Variants in GPC5 observed in about 807,000 individuals in gnomAD.
GPC5 encodes glypican-5.
GPC5 carries 47 observed loss-of-function variants against 53.9 expected under a neutral mutation model. That is an observed-to-expected ratio of 0.87 (90% CI 0.69 to 1.11). The LOEUF (loss-of-function observed/expected upper bound fraction) is 1.11, where lower values mean the gene tolerates loss of function less well. Ranked by LOEUF, GPC5 falls within the 50% of genes most tolerant of loss-of-function variation. The pLI, the probability that GPC5 is intolerant of heterozygous loss-of-function variation, is 0.00. For synonymous variants in GPC5, 286 were observed against 263.3 expected (o/e 1.09, Z -0.84); for missense variants, 748 against 713.1 (o/e 1.05, Z -0.56).
At chr13:91,500,311 T>C (rs1225192825) in intron 2 of GPC5, among the ~76,000 whole-genome samples, 2 of 152,232 alleles carry the variant, frequency 1.3e-5, no homozygotes, top group East Asian at 1.9e-4. Flanking sequence ...AATGAATGTA[T>C]AGAAATAGAG....
At chr13:91,957,505 C>G (rs925760107) in intron 6 of GPC5, among the ~76,000 whole-genome samples, 3 of 152,094 alleles carry the variant, frequency 2.0e-5, no homozygotes, top group African/African-American at 7.2e-5. Context: ...TCAAAAAGGT[C>G]TTCTCTATGG....
chr13:91,552,376 G>A (rs971271610), intron 2 of GPC5, among the ~76,000 whole-genome samples: 6 of 152,076 alleles, frequency 3.9e-5, no homozygotes, highest in African/African-American at 9.6e-5. Context: ...AGACCAGCTC[G>A]ATCTGGGAGA....
chr13:92,694,525 G>T, intron 7 of GPC5, among the ~76,000 whole-genome samples: 1 of 152,186 alleles, frequency 6.6e-6, no homozygotes, highest in East Asian at 1.9e-4. Flanking sequence ...AAGATTTAAT[G>T]ACTGCCTCTC....
At chr13:91,650,326 A>G (rs749600364) in intron 2 of GPC5, among the ~76,000 whole-genome samples, 7 of 152,130 alleles carry the variant, frequency 4.6e-5, no homozygotes, top group Non-Finnish European at 1.0e-4. Flanking sequence ...ATTCATCTTT[A>G]TAGTTTTGTC....
intron 1 of GPC5, among the ~76,000 whole-genome samples, chr13:91,432,808 A>T (rs938623987): frequency 3.3e-5 from 5 of 152,234 alleles, no homozygotes; most frequent in African/African-American, 1.2e-4. Context: ...TACAATAGCC[A>T]TAAATGCTAT....
At chr13:92,484,939 T>C (rs1373508104) in intron 7 of GPC5, among the ~76,000 whole-genome samples, 1 of 152,086 alleles carries the variant, frequency 6.6e-6, no homozygotes, top group Non-Finnish European at 1.5e-5. Flanking sequence ...ATTTCACCGG[T>C]TGACCAAGTT....
chr13:91,970,431 C>G lies in GPC5; in HGVS notation c.1401+62374C>G, dbSNP rs572009862. Among the ~76,000 whole-genome samples the G allele has an allele frequency of 2.4e-4, 35 of 143,794 alleles. No individual in the cohort carries two copies. In the South Asian group the frequency reaches 5.5e-3, roughly 23 times the overall value. 94.3% of individuals were successfully genotyped at this position (143,794 alleles called of 152,430 possible). Reference sequence around the variant, plus strand: ...CTTTAAATTTGCTAGGAGTAGATTGCCCCCCCCTCACACATACACACATAC... The same window carrying G: ...CTTTAAATTTGCTAGGAGTAGATTGGCCCCCCCTCACACATACACACATAC... On this transcript the variant is annotated intron_variant, in intron 6 of 7. Coordinates refer to ENST00000377067, the MANE Select transcript of GPC5 (RefSeq NM_004466.6).
intron 7 of GPC5, among the ~76,000 whole-genome samples, chr13:92,728,094 A>C (rs1888693701): frequency 6.6e-6 from 1 of 151,524 alleles, no homozygotes; most frequent in African/African-American, 2.4e-5. Flanking sequence ...GTACCATAGA[A>C]TGACAAAAAA....
At chr13:92,778,775 T>C (rs533692191) in intron 7 of GPC5, among the ~76,000 whole-genome samples, 3 of 152,322 alleles carry the variant, frequency 2.0e-5, no homozygotes, top group Admixed American at 6.5e-5. Context: ...AAAGTGTAGA[T>C]AGTTCTTCTA....
chr13:91,708,806 T>C (rs1379791348), intron 3 of GPC5, among the ~76,000 whole-genome samples: 1 of 152,208 alleles, frequency 6.6e-6, no homozygotes, highest in African/African-American at 2.4e-5. Context: ...GTTCTTTCTG[T>C]TGGCATACTC....
chr13:92,385,469 TACATATATACATATATAC>T lies in GPC5; in HGVS notation c.1561+240494_1561+240511del, dbSNP rs1566567636. Among the ~76,000 whole-genome samples, 11 of 112,582 alleles carry T rather than the reference TACATATATACATATATAC, an allele frequency of 9.8e-5. 1 individual carries two copies. The South Asian group carries it at 1.9e-3, about 19-fold the overall frequency. The allele number at this position is 112,582 out of a possible 152,430, so 73.9% of individuals were successfully genotyped here. ...ACATATATACATATATACACATATA[TACATATATACATATATAC>T]ACATATATACATACATATACATATA... On this transcript the variant is annotated intron_variant, in intron 7 of 7. Coordinates refer to ENST00000377067, the MANE Select transcript of GPC5 (RefSeq NM_004466.6).
At chr13:92,555,511 A>G (rs1412846394) in intron 7 of GPC5, among the ~76,000 whole-genome samples, 2 of 151,254 alleles carry the variant, frequency 1.3e-5, no homozygotes, top group African/African-American at 4.8e-5. Flanking sequence ...TACTTAATTA[A>G]AAACAGAACA....
intron 7 of GPC5, among the ~76,000 whole-genome samples, chr13:92,178,319 T>TCC (rs1318764549): frequency 6.6e-6 from 1 of 152,070 alleles, no homozygotes; most frequent in Non-Finnish European, 1.5e-5. Context: ...AAAGAGCCAT[T>TCC]CATACCATTC....
chr13:92,070,311 G>A (rs2041200663), intron 6 of GPC5, among the ~76,000 whole-genome samples: 2 of 152,136 alleles, frequency 1.3e-5, no homozygotes. Context: ...GAGTGATGGA[G>A]TCATTGCATT....
chr13:91,564,831 T>C (rs2031451995), intron 2 of GPC5, among the ~76,000 whole-genome samples: 1 of 152,178 alleles, frequency 6.6e-6, no homozygotes. Flanking sequence ...CTTTTCAATA[T>C]GTCGCCTTCA....
At chr13:92,356,753 T>C (rs562672680) in intron 7 of GPC5, among the ~76,000 whole-genome samples, 19 of 152,326 alleles carry the variant, frequency 1.2e-4, no homozygotes, top group Non-Finnish European at 2.6e-4. Context: ...GCTTGTTACG[T>C]AGGTAAACTT....
At chr13:91,787,189 A>C (rs2037893507) in intron 5 of GPC5, among the ~76,000 whole-genome samples, 1 of 152,140 alleles carries the variant, frequency 6.6e-6, no homozygotes, top group Non-Finnish European at 1.5e-5. Context: ...GGCATTTATT[A>C]ATTATTCTTG....
rs1008054161 is a variant in GPC5 at position 92,816,612 on chromosome 13, C to T, written c.1562-49670C>T. On this transcript the variant is annotated intron_variant, in intron 7 of 7. Coordinates refer to ENST00000377067, the MANE Select transcript of GPC5 (RefSeq NM_004466.6). ...TTTCACTTAATTGTACTGTTCTATA[C>T]GTTAGTCAGTGATGGTTTGGTTTCA... Among the ~76,000 whole-genome samples the T allele has an allele frequency of 5.8e-4, 88 of 151,926 alleles. 2 individuals carry two copies. Among genetic ancestry groups the T allele is most frequent in the African/African-American group, 1.8e-3 (74 of 41,234 alleles).
At chr13:91,436,437 A>G (rs1184323349) in intron 1 of GPC5, among the ~76,000 whole-genome samples, 2 of 151,654 alleles carry the variant, frequency 1.3e-5, no homozygotes, top group African/African-American at 4.8e-5. Context: ...CCTTCATTTC[A>G]TTATGTACCC....
Sources: allele counts gnomAD v4.1 joint callset (sites outside exome capture counted in the v4.1 genomes callset), GRCh38; gene constraint gnomAD v4.1.1; transcripts MANE v1.5; gene names NCBI Gene and HGNC (gene_info 2026-07-23, HGNC 2026-07-21).